Variants in PIK3C2A observed in about 807,000 individuals in gnomAD.
PIK3C2A encodes phosphatidylinositol 4-phosphate 3-kinase C2 domain-containing subunit alpha.
A neutral mutation model predicts 204.5 loss-of-function variants in PIK3C2A; 97 were observed. The observed-to-expected ratio is 0.47, with a 90% CI of 0.40 to 0.56. PIK3C2A has a LOEUF of 0.56. Ranked by LOEUF, PIK3C2A falls within the 20% of genes least tolerant of loss-of-function variation. The probability of loss-of-function intolerance (pLI) is 0.00; values close to 1 mark genes in which losing one functional copy is unlikely to be tolerated. For missense variants in PIK3C2A, 1,735 were observed against 1,969.2 expected (o/e 0.88, Z 2.25); for synonymous variants, 653 against 664.4 (o/e 0.98, Z 0.26).
intron 22 of PIK3C2A, among the ~76,000 whole-genome samples, chr11:17,108,577 C>G (rs1848903998): frequency 6.6e-6 from 1 of 152,120 alleles, no homozygotes; most frequent in Non-Finnish European, 1.5e-5. Context: ...GATCACACCA[C>G]TGCACTCCAG....
intron 12 of PIK3C2A, among the ~76,000 whole-genome samples, chr11:17,131,418 C>CT (rs1849689552): frequency 6.3e-5 from 7 of 111,892 alleles, no homozygotes; most frequent in African/African-American, 2.2e-4. Context: ...AAGGGTATTT[C>CT]ATTTTTTTTT....
At chr11:17,170,024 A>G (rs537998263) in intron 1 of PIK3C2A, among the ~76,000 whole-genome samples, 3 of 152,342 alleles carry the variant, frequency 2.0e-5, no homozygotes, top group East Asian at 1.9e-4. Flanking sequence ...CTTTAACCCC[A>G]TTTCCTGACA....
intron 2 of PIK3C2A, among the ~76,000 whole-genome samples, chr11:17,158,310 T>C (rs940994594): frequency 1.3e-5 from 2 of 151,248 alleles, no homozygotes; most frequent in African/African-American, 2.4e-5. Flanking sequence ...ATCGTGCCAT[T>C]GTACTCCAGC....
intron 1 of PIK3C2A, among the ~76,000 whole-genome samples, chr11:17,201,167 C>G (rs1481313364): frequency 6.6e-6 from 1 of 151,882 alleles, no homozygotes; most frequent in Non-Finnish European, 1.5e-5. Flanking sequence ...GATCGTGCCA[C>G]TGCACTCCAG....
At chr11:17,175,037 T>C (rs1049098634) in intron 1 of PIK3C2A, among the ~76,000 whole-genome samples, 1 of 152,246 alleles carries the variant, frequency 6.6e-6, no homozygotes, top group Non-Finnish European at 1.5e-5. Context: ...CATCTGGTAA[T>C]GAACAATGTA....
chr11:17,154,820 ATCC>A (rs1366662419), intron 3 of PIK3C2A, among the ~76,000 whole-genome samples: 1 of 152,212 alleles, frequency 6.6e-6, no homozygotes, highest in Non-Finnish European at 1.5e-5. Context: ...AATGAACTCT[ATCC>A]CATCCTTCCT....
intron 20 of PIK3C2A, 132 bp downstream of exon 20, chr11:17,114,229 A>C (rs1849101057): frequency 1.6e-5 from 8 of 509,096 alleles, no homozygotes; most frequent in Non-Finnish European, 2.1e-5. Context: ...TATGGATCCT[A>C]ATCACAACCA....
At chr11:17,108,125 G>C (rs893039891) in intron 22 of PIK3C2A, among the ~76,000 whole-genome samples, 10 of 152,196 alleles carry the variant, frequency 6.6e-5, no homozygotes, top group African/African-American at 2.4e-4. Flanking sequence ...GCCCGCCTCG[G>C]CCTCCCAAAG....
At position 17,136,589 on chromosome 11, in the gene PIK3C2A, C is replaced by T. The variant is rs1476112089; in HGVS notation, c.1741G>A (p.Val581Ile). Reference sequence around the variant, plus strand: ...TCTAAAGCACTACAGATTTTTCTTACAGCTTTAATTACTTGATCTACTGCT... The same window carrying T: ...TCTAAAGCACTACAGATTTTTCTTATAGCTTTAATTACTTGATCTACTGCT... Reference protein sequence around the residue: ...HRAVDQVIKAVRKICSALDGV... With the variant: ...HRAVDQVIKAIRKICSALDGV... Residue 581 changes from valine to isoleucine, a missense_variant, in exon 9 of 33, where the codon GTA (valine) becomes ATA (isoleucine). Physicochemically the swap from Val to Ile is conservative, Grantham distance 29. Transcript: ENST00000691414. 6.3e-7 allele frequency: 1 copy of T among 1,592,474 alleles called. No individual in the cohort carries two copies. The highest frequency in any genetic ancestry group is 1.7e-5 in the Admixed American group (1 of 59,316).
chr11:17,091,718 G>C, intron 30 of PIK3C2A, 62 bp from the exon 31 acceptor site: 1 of 1,153,156 alleles, frequency 8.7e-7, no homozygotes, highest in Non-Finnish European at 1.3e-6. Flanking sequence ...TGCAATAAAA[G>C]GATTTTGCTT....
intron 18 of PIK3C2A, among the ~76,000 whole-genome samples, chr11:17,118,072 T>C (rs544008084): frequency 2.0e-4 from 23 of 116,226 alleles, no homozygotes; most frequent in African/African-American, 6.6e-4. Flanking sequence ...TTCAATTTTT[T>C]TTTCTTTTTT....
At chr11:17,094,673 G>A (rs918858033) in intron 27 of PIK3C2A, among the ~76,000 whole-genome samples, 8 of 152,100 alleles carry the variant, frequency 5.3e-5, no homozygotes, top group East Asian at 3.9e-4. Flanking sequence ...GCAGTGAACC[G>A]AGATGGCACT....
intron 2 of PIK3C2A, among the ~76,000 whole-genome samples, chr11:17,158,375 A>C (rs556440174): frequency 6.8e-6 from 1 of 146,806 alleles, no homozygotes; most frequent in Non-Finnish European, 1.5e-5. Context: ...AATAATAAAT[A>C]TATATATATA....
At chr11:17,171,117 G>A (rs1201443544) in intron 1 of PIK3C2A, among the ~76,000 whole-genome samples, 2 of 152,076 alleles carry the variant, frequency 1.3e-5, no homozygotes, top group African/African-American at 4.8e-5. Context: ...AAAATAAAAA[G>A]AAGGTATATG....
At chr11:17,183,448 G>A (rs1447692184) in intron 1 of PIK3C2A, among the ~76,000 whole-genome samples, 7 of 152,210 alleles carry the variant, frequency 4.6e-5, no homozygotes, top group Middle Eastern at 3.4e-3. Context: ...GGCCAAGGTG[G>A]GTGGATCACC....
intron 1 of PIK3C2A, among the ~76,000 whole-genome samples, chr11:17,185,825 C>G (rs542795290): frequency 3.2e-4 from 49 of 152,094 alleles, no homozygotes; most frequent in African/African-American, 1.1e-3. Context: ...ATTGAAATAG[C>G]CTTCCCCAAA....
At chr11:17,139,067 C>A (rs1849969006) in intron 8 of PIK3C2A, among the ~76,000 whole-genome samples, 1 of 151,874 alleles carries the variant, frequency 6.6e-6, no homozygotes, top group Admixed American at 6.6e-5. Flanking sequence ...GCCACCACGC[C>A]CAGCTAATTT....
intron 27 of PIK3C2A, among the ~76,000 whole-genome samples, chr11:17,094,878 A>G (rs774160492): frequency 6.6e-6 from 1 of 152,250 alleles, no homozygotes; most frequent in Non-Finnish European, 1.5e-5. Flanking sequence ...AAAAGCAAAT[A>G]TAAGTCATTG....
At chr11:17,180,457 G>A (rs977994998) in intron 1 of PIK3C2A, among the ~76,000 whole-genome samples, 8 of 151,304 alleles carry the variant, frequency 5.3e-5, no homozygotes, top group African/African-American at 1.9e-4. Context: ...CTATCACAAA[G>A]AGCTAATCTT....
Sources: gnomAD v4.1 joint callset for allele counts (sites outside exome capture counted in the v4.1 genomes callset) on GRCh38, gnomAD v4.1.1 for gene constraint, MANE v1.5 for transcripts, NCBI Gene and HGNC (gene_info 2026-07-23, HGNC 2026-07-21) for gene names.